TMEM132D: variants seen among roughly 807,000 people sequenced by gnomAD.
The protein encoded by TMEM132D is mature OL transmembrane protein.
TMEM132D carries 21 observed loss-of-function variants against 62.3 expected under a neutral mutation model. That is an observed-to-expected ratio of 0.34 (90% CI 0.24 to 0.49). The LOEUF (loss-of-function observed/expected upper bound fraction) is 0.49. Ranked by LOEUF, TMEM132D falls within the 20% of genes least tolerant of loss-of-function variation. The pLI, the probability that TMEM132D is intolerant of heterozygous loss-of-function variation, is 0.99. For missense variants in TMEM132D, 1,346 were observed against 1,402.8 expected (o/e 0.96, Z 0.65); for synonymous variants, 621 against 575.6 (o/e 1.08, Z -1.13).
intron 2 of TMEM132D, among the ~76,000 whole-genome samples, chr12:129,567,968 T>A (rs1877414237): frequency 6.6e-6 from 1 of 152,194 alleles, no homozygotes; most frequent in South Asian, 2.1e-4. Flanking sequence ...GGTTTAGGGA[T>A]GGATTGCCAT....
chr12:129,286,617 T>C (rs1397831387), intron 4 of TMEM132D, among the ~76,000 whole-genome samples: 1 of 152,208 alleles, frequency 6.6e-6, no homozygotes, highest in Non-Finnish European at 1.5e-5. Context: ...ATTCGTAGGT[T>C]GGGAGCATGT....
At chr12:129,664,420 A>T (rs1343981157) in intron 2 of TMEM132D, among the ~76,000 whole-genome samples, 1 of 91,026 alleles carries the variant, frequency 1.1e-5, no homozygotes, top group African/African-American at 3.7e-5. Context: ...CAATTACAAG[A>T]ATTTTTTTTT....
At chr12:129,471,270 G>A (rs569680078) in intron 3 of TMEM132D, among the ~76,000 whole-genome samples, 18 of 149,776 alleles carry the variant, frequency 1.2e-4, no homozygotes, top group African/African-American at 3.4e-4. Context: ...CAAGTCTATC[G>A]GCTCCTTATT....
At chr12:129,211,539 A>T (rs760933240) in intron 4 of TMEM132D, among the ~76,000 whole-genome samples, 1 of 152,210 alleles carries the variant, frequency 6.6e-6, no homozygotes, top group African/African-American at 2.4e-5. Flanking sequence ...CTAAAATTAC[A>T]TAACTATTTT....
At chr12:129,595,571 G>A (rs2137138413) in intron 2 of TMEM132D, among the ~76,000 whole-genome samples, 1 of 152,340 alleles carries the variant, frequency 6.6e-6, no homozygotes, top group South Asian at 2.1e-4. Flanking sequence ...TTAGACCCAT[G>A]GGTCATGCTT....
At chr12:129,822,829 C>T (rs1428406337) in intron 1 of TMEM132D, among the ~76,000 whole-genome samples, 1 of 152,198 alleles carries the variant, frequency 6.6e-6, no homozygotes, top group East Asian at 1.9e-4. Flanking sequence ...TCCACCTGGT[C>T]TTGCCCTTGA....
At chr12:129,665,372 G>A (rs1283176287) in intron 2 of TMEM132D, among the ~76,000 whole-genome samples, 3 of 152,180 alleles carry the variant, frequency 2.0e-5, no homozygotes, top group East Asian at 1.9e-4. Context: ...TTTTCAGAGC[G>A]ATGCAAGCAG....
At chr12:129,811,953 T>C (rs1353481889) in intron 1 of TMEM132D, among the ~76,000 whole-genome samples, 3 of 151,730 alleles carry the variant, frequency 2.0e-5, no homozygotes, top group African/African-American at 7.3e-5. Flanking sequence ...CCCACCCACC[T>C]GACACATATA....
At chr12:129,104,264 C>A (rs1205832566) in intron 5 of TMEM132D, among the ~76,000 whole-genome samples, 14 of 151,494 alleles carry the variant, frequency 9.2e-5, no homozygotes, top group Non-Finnish European at 2.1e-4. Context: ...TGATCTTTGA[C>A]AAACCTGACA....
At chr12:129,248,383 A>T (rs142285962) in intron 4 of TMEM132D, among the ~76,000 whole-genome samples, 2 of 152,324 alleles carry the variant, frequency 1.3e-5, no homozygotes, top group African/African-American at 4.8e-5. Context: ...ATATCCGAAA[A>T]GTAAAACAAC....
At chr12:129,421,939 C>T (rs776109205) in intron 3 of TMEM132D, among the ~76,000 whole-genome samples, 27 of 152,088 alleles carry the variant, frequency 1.8e-4, no homozygotes, top group African/African-American at 4.6e-4. Flanking sequence ...GTGTGTCTAC[C>T]AAAGTGAAGG....
At chr12:129,554,375 T>C (rs1315500031) in intron 2 of TMEM132D, among the ~76,000 whole-genome samples, 1 of 152,142 alleles carries the variant, frequency 6.6e-6, no homozygotes, top group Non-Finnish European at 1.5e-5. Context: ...CATGCAAGCA[T>C]GGCCTAGGAT....
intron 2 of TMEM132D, among the ~76,000 whole-genome samples, chr12:129,676,339 C>A (rs946109727): frequency 6.6e-6 from 1 of 152,186 alleles, no homozygotes; most frequent in African/African-American, 2.4e-5. Flanking sequence ...ATCTATTCAT[C>A]TAATCATATC....
chr12:129,794,861 G>A (rs1311424940), intron 1 of TMEM132D, among the ~76,000 whole-genome samples: 5 of 152,062 alleles, frequency 3.3e-5, no homozygotes, highest in Admixed American at 1.3e-4. Flanking sequence ...GCTAAGTAAC[G>A]ATTTCCTCCT....
chr12:129,189,150 A>G (rs779345583), intron 5 of TMEM132D, among the ~76,000 whole-genome samples: 6 of 152,104 alleles, frequency 3.9e-5, no homozygotes, highest in Admixed American at 6.5e-5. Context: ...GAGAGGAGGA[A>G]GTCCCTGAGA....
In TMEM132D at chr12:129,526,776, A is replaced by G. The variant is rs114942635; in HGVS notation, c.1115+4283T>C. On this transcript the variant is annotated intron_variant, in intron 3 of 8. Transcript: ENST00000422113. The stretch of plus-strand genomic sequence containing the variant: ...AAAAAGAGTCAACACAGTTAAGAAG[A>G]CCCTTTTCTGTCTTTTCTTTTGCCT... Among the ~76,000 whole-genome samples, 1,081 of 152,256 alleles carry G rather than the reference A, an allele frequency of 7.1e-3. 17 individuals are homozygous for G. Among genetic ancestry groups the G allele is most frequent in the African/African-American group, 0.025 (1,030 of 41,536 alleles).
At chr12:129,590,214 G>A (rs781524329) in intron 2 of TMEM132D, among the ~76,000 whole-genome samples, 17 of 152,060 alleles carry the variant, frequency 1.1e-4, no homozygotes, top group African/African-American at 3.1e-4. Flanking sequence ...TCCAGGTGCC[G>A]TCTCATTTGT....
intron 3 of TMEM132D, among the ~76,000 whole-genome samples, chr12:129,501,620 T>C (rs1875143647): frequency 6.6e-6 from 1 of 152,100 alleles, no homozygotes. Flanking sequence ...TCCTCCTGCC[T>C]CAGCCTTCTA....
rs1871526700 is a variant in TMEM132D at position 129,399,174 on chromosome 12, CTCACTTCTGCAATAGCT to C, written c.1116-61374_1116-61358del. On this transcript the variant is annotated intron_variant, in intron 3 of 8. Coordinates refer to ENST00000422113, the MANE Select transcript of TMEM132D (RefSeq NM_133448.3). ...GCTAACCCATTCCCATGACAATCAA[CTCACTTCTGCAATAGCT>C]AACCCACTCCAGTGATAACCAACCC... Among the ~76,000 whole-genome samples the C allele has an allele frequency of 4.7e-5, 7 of 148,336 alleles. 2 individuals are homozygous for C. Among genetic ancestry groups the C allele is most frequent in the Admixed American group, 1.3e-4 (2 of 15,124 alleles).
Sources: allele counts gnomAD v4.1 joint callset (sites outside exome capture counted in the v4.1 genomes callset), GRCh38; gene constraint gnomAD v4.1.1; transcripts MANE v1.5; gene names NCBI Gene and HGNC (gene_info 2026-07-23, HGNC 2026-07-21).